PCDHA5: variants seen among roughly 807,000 people sequenced by gnomAD.
PCDHA5 encodes protocadherin alpha 5.
PCDHA5 carries 43 observed loss-of-function variants against 61.6 expected under a neutral mutation model. That is an observed-to-expected ratio of 0.70 (90% CI 0.55 to 0.90). PCDHA5 has a LOEUF of 0.90. Among genes scored for constraint, PCDHA5 ranks in the 40% least tolerant of loss-of-function variants. PCDHA5 has a pLI of 0.00. For missense variants in PCDHA5, 1,298 were observed against 1,222.7 expected, an observed-to-expected ratio of 1.06 and a Z score of -0.92; for synonymous variants, 627 against 543.9, an observed-to-expected ratio of 1.15 and a Z score of -2.13.
chr5:140,870,722 G>C (rs1554164638), intron 1 of PCDHA5: 20 of 1,613,222 alleles, frequency 1.2e-5, no homozygotes, highest in Non-Finnish European at 1.4e-5. Context: ...CGCGATGCGG[G>C]CGTGCCGCCT....
intron 1 of PCDHA5, among the ~76,000 whole-genome samples, chr5:140,909,091 C>T: frequency 6.6e-6 from 1 of 152,220 alleles, no homozygotes; most frequent in Non-Finnish European, 1.5e-5. Flanking sequence ...TGCTACTTCT[C>T]ACTCACTGGG....
chr5:140,949,529 T>C (rs2094389085), intron 1 of PCDHA5, among the ~76,000 whole-genome samples: 1 of 151,910 alleles, frequency 6.6e-6, no homozygotes, highest in South Asian at 2.1e-4. Flanking sequence ...TTTATCTTCA[T>C]AAAATATCGA....
chr5:140,855,885 A>C lies in PCDHA5; in HGVS notation c.2352+31758A>C, dbSNP rs182267691. The C allele has an allele frequency of 1.4e-3, 1,364 of 972,052 alleles. 77 individuals carry two copies. Among genetic ancestry groups the C allele is most frequent in the Non-Finnish European group, 3.0e-4 (200 of 667,108 alleles). The allele number at this position is 972,052 out of a possible 1,614,324, so 60.2% of individuals were successfully genotyped here. On this transcript the variant is annotated intron_variant, in intron 1 of 3. Coordinates refer to ENST00000529859, the MANE Select transcript of PCDHA5 (RefSeq NM_018908.3). ...TGTCGTCCACAAAATAGCTTTTTAG[A>C]ACAAAGGCATCAGCCAGTTTCTCAA...
intron 1 of PCDHA5, chr5:140,928,126 C>T (rs782461261): frequency 1.2e-6 from 2 of 1,614,176 alleles, no homozygotes; most frequent in Non-Finnish European, 1.7e-6. Context: ...CAGTGAATAC[C>T]AAGTCCTGAT....
At chr5:140,848,360 G>A (rs1475773357) in intron 1 of PCDHA5, 1 of 1,069,390 alleles carries the variant, frequency 9.4e-7, no homozygotes, top group Non-Finnish European at 1.4e-6. Context: ...TTTCCCATGG[G>A]AAAGAGGCTC....
At chr5:140,870,052 A>G (rs782520778) in intron 1 of PCDHA5, 7 of 1,613,830 alleles carry the variant, frequency 4.3e-6, no homozygotes, top group Non-Finnish European at 5.1e-6. Flanking sequence ...GTTTTATAAA[A>G]TTGAAGTACA....
chr5:140,978,845 T>C, intron 1 of PCDHA5, 104 bp from the exon 2 acceptor site: 7 of 1,569,708 alleles, frequency 4.5e-6, no homozygotes, highest in Non-Finnish European at 6.1e-6. Flanking sequence ...AATACTTTTT[T>C]AGATGCCTGG....
chr5:140,935,080 C>G (rs1163743447), intron 1 of PCDHA5, among the ~76,000 whole-genome samples: 2 of 152,076 alleles, frequency 1.3e-5, no homozygotes, highest in Non-Finnish European at 2.9e-5. Context: ...TGTACATTTC[C>G]TTTCCCAGAA....
chr5:140,924,715 C>A (rs1258622619), intron 1 of PCDHA5, among the ~76,000 whole-genome samples: 3 of 151,692 alleles, frequency 2.0e-5, no homozygotes, highest in Non-Finnish European at 4.4e-5. Flanking sequence ...TGCAACATGG[C>A]GAAACCTCAC....
intron 1 of PCDHA5, chr5:140,863,284 G>A (rs1554158061): frequency 1.4e-6 from 2 of 1,461,880 alleles, no homozygotes; most frequent in Non-Finnish European, 1.9e-6. Flanking sequence ...GGATGTCAAC[G>A]TGTACCTGAT....
chr5:140,849,320 G>C, intron 1 of PCDHA5: 10 of 1,335,992 alleles, frequency 7.5e-6, no homozygotes, highest in Non-Finnish European at 1.0e-5. Flanking sequence ...GCTTGAATGG[G>C]GATATTATTT....
rs1554145927 is a variant in PCDHA5, at chr5:140,852,587, T to TA, written c.2352+28460_2352+28461insA. ...CACTGTGCCAAGGCTTTTTTATTTT[T>TA]TTTTTTTGTCATTTTCTTTCAAAAC... On this transcript the variant is annotated intron_variant, in intron 1 of 3. Coordinates refer to ENST00000529859, the MANE Select transcript of PCDHA5 (RefSeq NM_018908.3). 484 of 881,862 alleles carry TA rather than the reference T, an allele frequency of 5.5e-4. 26 individuals are homozygous for TA. Among genetic ancestry groups the TA allele is most frequent in the African/African-American group, 4.5e-3 (245 of 54,698 alleles). 54.6% of individuals were successfully genotyped at this position (881,862 alleles called of 1,614,324 possible). A position where few individuals can be genotyped will look rare whatever the true frequency, so the allele number is the denominator to read the frequency against.
chr5:141,006,127 C>CA (rs2098257011), intron 3 of PCDHA5, among the ~76,000 whole-genome samples: 1 of 147,760 alleles, frequency 6.8e-6, no homozygotes, highest in Admixed American at 6.7e-5. Flanking sequence ...TTTCTCAAGG[C>CA]AGTAGAAAGC....
In PCDHA5 at chr5:140,823,440, G is replaced by C; in HGVS notation, c.1665G>C (p.Leu555=). The change falls in exon 1 of 4, where the codon CTG becomes CTC. Residue 555 remains leucine (L), a synonymous_variant. Transcript: ENST00000529859. ...GSNVTLQVFV[L]DENDNAPALL... is the part of the protein sequence containing the mutation. Reference sequence around the variant, plus strand: ...ACGTGACGCTGCAGGTGTTCGTGCTGGACGAGAACGACAACGCGCCGGCGC... The same window carrying C: ...ACGTGACGCTGCAGGTGTTCGTGCTCGACGAGAACGACAACGCGCCGGCGC... 6.2e-7 allele frequency: 1 copy of C among 1,613,368 alleles called. No individual in the cohort carries two copies.
chr5:140,842,257 A>C, intron 1 of PCDHA5: 1 of 1,611,472 alleles, frequency 6.2e-7, no homozygotes, highest in African/African-American at 1.3e-5. Flanking sequence ...ATTTTGAACA[A>C]GAAAACTTAT....
At chr5:140,864,054 C>T (rs575153653) in intron 1 of PCDHA5, 20 of 152,698 alleles carry the variant, frequency 1.3e-4, no homozygotes, top group African/African-American at 4.6e-4. Flanking sequence ...TTACTACAGT[C>T]ACCATGAACA....
At chr5:140,852,749 G>A in intron 1 of PCDHA5, 3 of 984,204 alleles carry the variant, frequency 3.0e-6, no homozygotes, top group Non-Finnish European at 2.4e-6. Flanking sequence ...ATTTAAACTT[G>A]GACCCAGGTA....
intron 1 of PCDHA5, chr5:140,967,594 G>A: frequency 6.2e-7 from 1 of 1,614,142 alleles, no homozygotes; most frequent in Non-Finnish European, 8.5e-7. Flanking sequence ...GCACATTGGT[G>A]GTGAAGCTGA....
At chr5:140,841,266 C>T in intron 1 of PCDHA5, 3 of 1,522,300 alleles carry the variant, frequency 2.0e-6, no homozygotes, top group Non-Finnish European at 2.6e-6. Flanking sequence ...TCTGAAAGTA[C>T]AGTCGTTCAT....
Sources: allele counts gnomAD v4.1 joint callset (sites outside exome capture counted in the v4.1 genomes callset), GRCh38; gene constraint gnomAD v4.1.1; transcripts MANE v1.5; gene names NCBI Gene and HGNC (gene_info 2026-07-23, HGNC 2026-07-21).